Variants in TP53BP2 observed in about 807,000 individuals in gnomAD.
The protein encoded by TP53BP2 is apoptosis-stimulating of p53 protein 2.
Under a neutral mutation model 126.2 loss-of-function variants are expected in TP53BP2, and 62 were observed. The observed-to-expected ratio is 0.49, with a 90% CI of 0.40 to 0.61. TP53BP2 has a LOEUF of 0.61. Among genes scored for constraint, TP53BP2 ranks in the 20% least tolerant of loss-of-function variants. The pLI is 0.00. For missense variants in TP53BP2, 1,215 were observed against 1,402.8 expected (o/e 0.87, Z 2.14); for synonymous variants, 485 against 502.9 (o/e 0.96, Z 0.48).
chr1:223,795,318 C>T (rs1376839930), intron 13 of TP53BP2, among the ~76,000 whole-genome samples: 2 of 152,198 alleles, frequency 1.3e-5, no homozygotes, highest in Non-Finnish European at 2.9e-5. Context: ...CCCCTCCCTG[C>T]CCTCACTCCA....
chr1:223,786,533 C>T (rs1324330731), intron 16 of TP53BP2, among the ~76,000 whole-genome samples: 2 of 151,494 alleles, frequency 1.3e-5, no homozygotes, highest in Non-Finnish European at 2.9e-5. Flanking sequence ...ATTAATACAG[C>T]AAAACACATA....
intron 13 of TP53BP2, among the ~76,000 whole-genome samples, chr1:223,794,419 C>G (rs924005693): frequency 6.6e-6 from 1 of 152,172 alleles, no homozygotes; most frequent in Non-Finnish European, 1.5e-5. Flanking sequence ...ATAAGCAGTA[C>G]AGTGTAATGA....
intron 1 of TP53BP2, among the ~76,000 whole-genome samples, chr1:223,836,429 G>A (rs1317755306): frequency 6.6e-6 from 1 of 152,170 alleles, no homozygotes; most frequent in Non-Finnish European, 1.5e-5. Flanking sequence ...CTGACTTGGT[G>A]TTTTGAGTTT....
Position 223,798,235 on chromosome 1 carries a change from C to G in TP53BP2, c.1928G>C (p.Arg643Thr). 1 of 1,613,588 alleles carries G rather than the reference C, an allele frequency of 6.2e-7. No homozygotes were observed. The highest frequency in any genetic ancestry group is 8.5e-7 in the Non-Finnish European group (1 of 1,179,688). The change falls in exon 12 of 18, where the codon AGA (arginine) becomes ACA (threonine). Residue 643 changes from arginine (R) to threonine (T), a missense_variant. Arg to Thr is a moderately conservative substitution (Grantham distance 71). Coordinates refer to ENST00000343537, the MANE Select transcript of TP53BP2 (RefSeq NM_001031685.3). ...CTTACCACTTGAAAAGTGTGGCCCT[C>G]TGGTATGAGTCTTGGTCAACGCGCT... Reference protein sequence around the residue: ...VQSALTKTHTRGPHFSSVYGK... With the variant: ...VQSALTKTHTTGPHFSSVYGK...
intron 1 of TP53BP2, among the ~76,000 whole-genome samples, chr1:223,832,824 A>T (rs1422606531): frequency 3.9e-5 from 6 of 152,124 alleles, no homozygotes; most frequent in Non-Finnish European, 8.8e-5. Flanking sequence ...GCTGCACCCT[A>T]GCTGTGAGCT....
In TP53BP2 at chr1:223,803,345, T is replaced by C. The variant is rs1160015480; in HGVS notation, c.757A>G (p.Asn253Asp). ...ELTRQLEMLK[N>D]GRIDSHHDNQ... ...TCATGGTGGCTGTCGATCCTGCCGT[T>C]CTTGAGCATCTCTAGCTGCCTGGTC... The change falls in exon 7 of 18, where the codon AAC (asparagine) becomes GAC (aspartate). Residue 253 changes from asparagine (N) to aspartate (D), a missense_variant. By Grantham distance (23) the Asn-to-Asp change is conservative. This residue lies in a region of TP53BP2 where 814 missense variants were observed against 853.0 expected (regional missense o/e 0.95). Transcript: ENST00000343537. 2 of 1,613,954 alleles carry C rather than the reference T, an allele frequency of 1.2e-6. No individual in the cohort carries two copies. Among genetic ancestry groups the C allele is most frequent in the Admixed American group, 3.3e-5 (2 of 60,020 alleles).
intron 1 of TP53BP2, among the ~76,000 whole-genome samples, chr1:223,834,197 G>A (rs1307015229): frequency 2.0e-5 from 3 of 152,248 alleles, no homozygotes; most frequent in Admixed American, 1.3e-4. Flanking sequence ...TTTATTGCAA[G>A]GGAAAAGTCA....
In TP53BP2 at chr1:223,784,160, C is replaced by T. The variant is rs61749335; in HGVS notation, c.3318G>A (p.Ala1106=). 0.02 allele frequency: 31,522 copies of T among 1,614,086 alleles called. 428 individuals carry two copies. Among genetic ancestry groups the T allele is most frequent in the Non-Finnish European group, 0.021 (25,331 of 1,179,966 alleles). Residue 1106 remains alanine, a synonymous_variant, in exon 17 of 18, where the codon GCG becomes GCA. Coordinates refer to ENST00000343537, the MANE Select transcript of TP53BP2 (RefSeq NM_001031685.3). ...EDEDEIEWWW[A]RLNDKEGYVP... is the part of the protein sequence containing the mutation. The stretch of plus-strand genomic sequence containing the variant: ...CATATCCCTCCTTATCATTAAGGCG[C>T]GCCCACCACCATTCGATTTCATCTT...
rs1273967600 is a variant in TP53BP2 at position 223,798,414 on chromosome 1, T to C, written c.1749A>G (p.Pro583=). The change falls in exon 12 of 18, where the codon CCA becomes CCG. Residue 583 remains proline (P), a synonymous_variant. Coordinates refer to ENST00000343537, the MANE Select transcript of TP53BP2 (RefSeq NM_001031685.3). ...TAAAGGGCCGGACGGCAGCAGCAGG[T>C]GGACTTTCTTGCTTAGAACCTGGAG... ...TLSPGSKQES[P]PAAAVRPFTP... 1 of 1,614,042 alleles carries C rather than the reference T, an allele frequency of 6.2e-7. No homozygotes were observed. Among genetic ancestry groups the C allele is most frequent in the African/African-American group, 1.3e-5 (1 of 74,910 alleles).
chr1:223,812,076 AAAAG>A (rs1035169806), intron 3 of TP53BP2, among the ~76,000 whole-genome samples: 5 of 152,130 alleles, frequency 3.3e-5, no homozygotes, highest in African/African-American at 9.7e-5. Context: ...TACAAAAAAA[AAAAG>A]AAAAAAGCCT....
Position 223,802,305 on chromosome 1 carries a change from C to A in TP53BP2, c.1036G>T (p.Ala346Ser), listed in dbSNP as rs1662553552. Residue 346 changes from alanine (A) to serine (S), a missense_variant, in exon 9 of 18, where the codon GCC becomes TCC. Transcript: ENST00000343537. ...CCTACTGCAGCCACACGGCTTGGGG[C>A]TGACGCGGCTTGCTGGGGAAGATTT... ...DGNLPQQAAS[A>S]PSRVAAVGPY... 6.2e-7 allele frequency: 1 copy of A among 1,614,056 alleles called. No homozygotes were observed. The highest frequency in any genetic ancestry group is 8.5e-7 in the Non-Finnish European group (1 of 1,180,028).
At chr1:223,817,843 C>T (rs7536779) in intron 2 of TP53BP2, among the ~76,000 whole-genome samples, 25,597 of 150,646 alleles carry the variant, frequency 0.17, 3,434 homozygotes, top group African/African-American at 0.37. Flanking sequence ...GCAGAATCAC[C>T]TGAACATAGG....
At chr1:223,825,041 A>G (rs1056267886) in intron 1 of TP53BP2, among the ~76,000 whole-genome samples, 1 of 151,534 alleles carries the variant, frequency 6.6e-6, no homozygotes, top group Non-Finnish European at 1.5e-5. Context: ...ACACACACAC[A>G]CACACACACA....
chr1:223,816,741 A>G (rs933172550), intron 2 of TP53BP2, among the ~76,000 whole-genome samples: 2 of 152,110 alleles, frequency 1.3e-5, no homozygotes, highest in African/African-American at 4.8e-5. Context: ...GACAATATAT[A>G]TTACATTTTC....
intron 4 of TP53BP2, among the ~76,000 whole-genome samples, chr1:223,809,889 C>T (rs559504608): frequency 2.6e-4 from 40 of 152,024 alleles, no homozygotes; most frequent in African/African-American, 8.0e-4. Context: ...TGCCATGGCG[C>T]GACCTAGGCT....
intron 13 of TP53BP2, among the ~76,000 whole-genome samples, chr1:223,794,461 G>C (rs115710812): frequency 6.6e-6 from 1 of 152,196 alleles, no homozygotes; most frequent in Non-Finnish European, 1.5e-5. Context: ...AAGAATGTAC[G>C]AGATAGTTGC....
At chr1:223,803,550 A>T in intron 6 of TP53BP2, 98 bp from the exon 7 acceptor site, 1 of 1,223,608 alleles carries the variant, frequency 8.2e-7, no homozygotes, top group Non-Finnish European at 1.1e-6. Context: ...TCTAATAAAC[A>T]GTAGAAAAAT....
chr1:223,826,980 T>C (rs1663519259), intron 1 of TP53BP2, among the ~76,000 whole-genome samples: 1 of 151,926 alleles, frequency 6.6e-6, no homozygotes, highest in South Asian at 2.1e-4. Context: ...AAATTAAGAG[T>C]GACTCTGGAT....
chr1:223,816,853 A>T (rs1445319922), intron 2 of TP53BP2, among the ~76,000 whole-genome samples: 1 of 136,672 alleles, frequency 7.3e-6, no homozygotes, highest in Non-Finnish European at 1.6e-5. Flanking sequence ...TATACACATT[A>T]AAAAAAAAAA....
Sources: gnomAD v4.1 joint callset for allele counts (sites outside exome capture counted in the v4.1 genomes callset) on GRCh38, gnomAD v4.1.1 for gene constraint, gnomAD v4.1.1 regional missense constraint, MANE v1.5 for transcripts, NCBI Gene and HGNC (gene_info 2026-07-23, HGNC 2026-07-21) for gene names.